The following LNP1 variants were observed in gnomAD, a reference collection of about 807,000 sequenced individuals.
LNP1 encodes leukemia NUP98 fusion partner 1.
In LNP1, 12 loss-of-function variants were observed where a neutral mutation model predicts 14.5. The ratio of observed to expected loss-of-function variants is 0.83; its 90% confidence interval spans 0.53 to 1.34. The LOEUF (loss-of-function observed/expected upper bound fraction) is 1.34, where lower values mean the gene tolerates loss of function less well. Among genes scored for constraint, LNP1 ranks in the 40% most tolerant of loss-of-function variants. The probability of loss-of-function intolerance (pLI) is 0.00; values close to 1 mark genes in which losing one functional copy is unlikely to be tolerated. For synonymous variants in LNP1, 75 were observed against 71.4 expected (o/e 1.05, Z -0.26); for missense variants, 198 against 210.9 (o/e 0.94, Z 0.38).
intron 2 of LNP1, 22 bp downstream of exon 2, chr3:100,429,907 G>T (rs77641392): frequency 6.2e-7 from 1 of 1,605,038 alleles, no homozygotes; most frequent in Non-Finnish European, 8.5e-7. Context: ...TCATGGAACC[G>T]GAGGGGAGAG....
chr3:100,440,546 C>A lies in LNP1; in HGVS notation c.156+10661C>A, dbSNP rs186498831. Among the ~76,000 whole-genome samples, 6 of 152,166 alleles carry A rather than the reference C, an allele frequency of 3.9e-5. No homozygotes were observed. In the East Asian group the frequency reaches 1.2e-3, roughly 29 times the overall value. ...TTATTAAAACACATTTTTTTTGCTA[C>A]CCTGAAAGGTAAAAATATTGTTATT... On this transcript the variant is annotated intron_variant, in intron 2 of 3. Transcript: ENST00000383693.
intron 1 of LNP1, among the ~76,000 whole-genome samples, chr3:100,424,280 G>A (rs6788875): frequency 0.012 from 1,802 of 152,132 alleles, 34 homozygotes; most frequent in African/African-American, 0.042. Context: ...TGAGGTTCAC[G>A]ACTTGCTAAA....
rs114023474 is a variant in LNP1 at position 100,438,744 on chromosome 3, A to C, written c.156+8859A>C. Among the ~76,000 whole-genome samples, 385 of 152,276 alleles carry C rather than the reference A, an allele frequency of 2.5e-3. 1 individual carries two copies. Among genetic ancestry groups the C allele is most frequent in the African/African-American group, 8.8e-3 (367 of 41,558 alleles). ...ACTCTAATCAGGAGAGTCAGTGTAC[A>C]GGGCAGTCATTTCCCTCACAGTCAG... On this transcript the variant is annotated intron_variant, in intron 2 of 3. Coordinates refer to ENST00000383693, the MANE Select transcript of LNP1 (RefSeq NM_001085451.2).
intron 1 of LNP1, among the ~76,000 whole-genome samples, chr3:100,414,903 G>A (rs1225428768): frequency 1.3e-5 from 2 of 152,120 alleles, no homozygotes; most frequent in Admixed American, 6.5e-5. Context: ...GGAGACCGTA[G>A]GATAATAAAT....
chr3:100,409,538 C>A lies in LNP1; in HGVS notation c.-34+7099C>A, dbSNP rs1222566153. Among the ~76,000 whole-genome samples the A allele has an allele frequency of 9.7e-3, 1,418 of 146,724 alleles. 26 individuals are homozygous for A. Among genetic ancestry groups the A allele is most frequent in the African/African-American group, 0.035 (1,368 of 38,700 alleles). ...GGCGCCTGCAATTCCAGCTCTCTCT[C>A]TCTCTATATATATATACATACACAC... is the stretch of plus-strand genomic sequence containing the variant. On this transcript the variant is annotated intron_variant, in intron 1 of 3. Transcript: ENST00000383693.
At chr3:100,433,858 T>C (rs2148904480) in intron 2 of LNP1, among the ~76,000 whole-genome samples, 2 of 152,348 alleles carry the variant, frequency 1.3e-5, no homozygotes, top group South Asian at 4.1e-4. Context: ...GCCGCATAAA[T>C]GTCTTCTTTT....
intron 2 of LNP1, among the ~76,000 whole-genome samples, chr3:100,448,258 T>G (rs2148907802): frequency 6.6e-6 from 1 of 152,310 alleles, no homozygotes; most frequent in East Asian, 1.9e-4. Flanking sequence ...CTGAACTAAC[T>G]TTGGGAGAAA....
chr3:100,448,171 A>G (rs1301362702), intron 2 of LNP1, among the ~76,000 whole-genome samples: 1 of 152,030 alleles, frequency 6.6e-6, no homozygotes, highest in Admixed American at 6.6e-5. Context: ...TGAGACAGTG[A>G]AAAAGATTAG....
At chr3:100,408,643 G>C (rs771169004) in intron 1 of LNP1, among the ~76,000 whole-genome samples, 36 of 152,188 alleles carry the variant, frequency 2.4e-4, no homozygotes, top group Non-Finnish European at 4.8e-4. Flanking sequence ...GATGGGTCTA[G>C]AGTCTCAGTC....
intron 1 of LNP1, among the ~76,000 whole-genome samples, chr3:100,409,972 T>TATC (rs932296694): frequency 6.6e-6 from 1 of 151,902 alleles, no homozygotes; most frequent in Non-Finnish European, 1.5e-5. Context: ...TCTATCTATC[T>TATC]ATCTATCTAT....
intron 2 of LNP1, among the ~76,000 whole-genome samples, chr3:100,434,435 T>C (rs1364236933): frequency 6.6e-6 from 1 of 152,230 alleles, no homozygotes; most frequent in African/African-American, 2.4e-5. Flanking sequence ...GTCTCTGTTT[T>C]GGTACCTGTT....
intron 2 of LNP1, among the ~76,000 whole-genome samples, chr3:100,449,980 CA>C (rs1707422855): frequency 6.6e-6 from 1 of 151,740 alleles, no homozygotes; most frequent in Non-Finnish European, 1.5e-5. Flanking sequence ...GCCTGGCTAG[CA>C]AAAAGATGGC....
chr3:100,429,047 T>C (rs1707220022), intron 1 of LNP1, among the ~76,000 whole-genome samples: 1 of 152,228 alleles, frequency 6.6e-6, no homozygotes, highest in South Asian at 2.1e-4. Context: ...CAGGGGTATA[T>C]GTATATAAAA....
intron 1 of LNP1, among the ~76,000 whole-genome samples, chr3:100,416,998 G>C (rs1387953608): frequency 1.3e-5 from 2 of 152,066 alleles, no homozygotes; most frequent in Non-Finnish European, 2.9e-5. Flanking sequence ...AAAATTCCTA[G>C]CTCATACCTT....
intron 2 of LNP1, among the ~76,000 whole-genome samples, chr3:100,444,996 G>T (rs2148906919): frequency 6.6e-6 from 1 of 152,312 alleles, no homozygotes; most frequent in East Asian, 1.9e-4. Flanking sequence ...GAACTGGCTA[G>T]GTGCAGTGGC....
intron 1 of LNP1, among the ~76,000 whole-genome samples, chr3:100,424,279 C>T (rs1465998854): frequency 6.6e-6 from 1 of 152,100 alleles, no homozygotes; most frequent in Admixed American, 6.6e-5. Flanking sequence ...CTGAGGTTCA[C>T]GACTTGCTAA....
Position 100,455,817 on chromosome 3 carries a change from T to A in LNP1, c.428T>A (p.Leu143Gln), listed in dbSNP as rs775714742. The A allele has an allele frequency of 6.2e-7, 1 of 1,613,940 alleles. No homozygotes were observed. The highest frequency in any genetic ancestry group is 1.7e-5 in the Admixed American group (1 of 59,994). ...AAGGAGAGAAATGAAAGAGAATGCC[T>A]GAGGATGGAGATAAAATCCCGAAAG... ...SRKERNERECLRMEIKSRKKV... is the reference protein window; with the variant it reads ...SRKERNERECQRMEIKSRKKV... Residue 143 changes from leucine (L) to glutamine (Q), a missense_variant, in exon 4 of 4, where the codon CTG becomes CAG. Leu to Gln is a moderately radical substitution (Grantham distance 113, BLOSUM62 -2). Coordinates refer to ENST00000383693, the MANE Select transcript of LNP1 (RefSeq NM_001085451.2).
At chr3:100,445,209 T>G (rs1269997506) in intron 2 of LNP1, among the ~76,000 whole-genome samples, 3 of 152,180 alleles carry the variant, frequency 2.0e-5, no homozygotes, top group Non-Finnish European at 4.4e-5. Context: ...AGGCAGAGGT[T>G]GCAGTGAGCT....
intron 1 of LNP1, among the ~76,000 whole-genome samples, 171 bp downstream of exon 1, chr3:100,402,610 C>T (rs1576222609): frequency 6.6e-6 from 1 of 152,028 alleles, no homozygotes; most frequent in South Asian, 2.1e-4. Flanking sequence ...TTAATATAAG[C>T]TCTGCCTTGC....
Sources: gnomAD v4.1 joint callset for allele counts (sites outside exome capture counted in the v4.1 genomes callset) on GRCh38, gnomAD v4.1.1 for gene constraint, MANE v1.5 for transcripts, NCBI Gene and HGNC (gene_info 2026-07-23, HGNC 2026-07-21) for gene names.